SGCZ: variants seen among roughly 807,000 people sequenced by gnomAD.
The protein encoded by SGCZ is zeta-sarcoglycan.
In SGCZ, 40 loss-of-function variants were observed where a neutral mutation model predicts 41.3. That is an observed-to-expected ratio of 0.97 (90% CI 0.75 to 1.26). The LOEUF is 1.26. Ranked by LOEUF, SGCZ falls within the 50% of genes most tolerant of loss-of-function variation. SGCZ has a pLI of 0.00. For missense variants in SGCZ, 552 were observed against 369.8 expected (o/e 1.49, Z -4.04); for synonymous variants, 206 against 137.5 (o/e 1.50, Z -3.49).
intron 1 of SGCZ, among the ~76,000 whole-genome samples, chr8:14,713,361 C>G (rs1250236312): frequency 6.6e-6 from 1 of 152,088 alleles, no homozygotes; most frequent in African/African-American, 2.4e-5. Flanking sequence ...ATCACTATTA[C>G]TATAATTTGT....
chr8:14,534,281 C>A (rs1803227458), intron 2 of SGCZ, among the ~76,000 whole-genome samples: 1 of 151,904 alleles, frequency 6.6e-6, no homozygotes, highest in Admixed American at 6.6e-5. Context: ...AGAAGAAGGG[C>A]TCATTGGTGT....
intron 1 of SGCZ, among the ~76,000 whole-genome samples, chr8:14,826,231 G>C (rs932523477): frequency 1.3e-5 from 2 of 151,914 alleles, no homozygotes; most frequent in African/African-American, 2.4e-5. Flanking sequence ...ATGGTTTCCA[G>C]CTTCATCCAT....
chr8:14,981,911 AGGCTGAAGCAG>A (rs1473219146), intron 1 of SGCZ, among the ~76,000 whole-genome samples: 10 of 152,166 alleles, frequency 6.6e-5, no homozygotes, highest in Admixed American at 2.0e-4. Context: ...GCACTTTGGG[AGGCTGAAGCAG>A]GCAGATCATT....
chr8:14,302,350 T>C (rs938308190), intron 3 of SGCZ, among the ~76,000 whole-genome samples: 3 of 152,190 alleles, frequency 2.0e-5, no homozygotes, highest in African/African-American at 7.2e-5. Flanking sequence ...GGTTTACTTT[T>C]TCTATTTATT....
At chr8:15,208,349 T>A (rs573548985) in intron 1 of SGCZ, among the ~76,000 whole-genome samples, 1 of 152,220 alleles carries the variant, frequency 6.6e-6, no homozygotes, top group African/African-American at 2.4e-5. Flanking sequence ...AACATCTGAC[T>A]AACGCATCCA....
chr8:14,384,667 G>C (rs971139271), intron 2 of SGCZ, among the ~76,000 whole-genome samples: 1 of 152,036 alleles, frequency 6.6e-6, no homozygotes, highest in Admixed American at 6.6e-5. Flanking sequence ...TCAAGCAATT[G>C]TCCTGCCTCA....
At chr8:14,704,654 T>C (rs1180900670) in intron 1 of SGCZ, among the ~76,000 whole-genome samples, 1 of 151,966 alleles carries the variant, frequency 6.6e-6, no homozygotes, top group Non-Finnish European at 1.5e-5. Context: ...AAAGCAAGTC[T>C]GCTACAGAGA....
At chr8:14,736,664 G>GTCAT (rs1563235283) in intron 1 of SGCZ, among the ~76,000 whole-genome samples, 1 of 151,856 alleles carries the variant, frequency 6.6e-6, no homozygotes. Flanking sequence ...AGTCCATTGT[G>GTCAT]TCATTCTTAT....
At chr8:14,131,895 T>A (rs1201018439) in intron 5 of SGCZ, among the ~76,000 whole-genome samples, 2 of 152,200 alleles carry the variant, frequency 1.3e-5, no homozygotes, top group African/African-American at 4.8e-5. Flanking sequence ...CTAGGAGCAG[T>A]AGGTTATTTT....
At chr8:14,789,945 A>T (rs1233567682) in intron 1 of SGCZ, among the ~76,000 whole-genome samples, 2 of 152,178 alleles carry the variant, frequency 1.3e-5, no homozygotes, top group Non-Finnish European at 2.9e-5. Flanking sequence ...CTCCCATTAT[A>T]ACGTATGTTT....
At chr8:14,690,043 AT>A (rs1382294384) in intron 1 of SGCZ, among the ~76,000 whole-genome samples, 4 of 152,140 alleles carry the variant, frequency 2.6e-5, no homozygotes, top group Non-Finnish European at 5.9e-5. Context: ...AGATTTTAGA[AT>A]ACAAAAGCAG....
chr8:14,933,434 T>TC (rs200340201), intron 1 of SGCZ, among the ~76,000 whole-genome samples: 3,245 of 144,062 alleles, frequency 0.023, 51 homozygotes, highest in Middle Eastern at 0.032. Context: ...TTTTTTTCTT[T>TC]TTTTTTTTTT....
intron 1 of SGCZ, among the ~76,000 whole-genome samples, chr8:14,772,209 G>A (rs1800263763): frequency 1.3e-5 from 2 of 152,146 alleles, no homozygotes; most frequent in African/African-American, 4.8e-5. Context: ...GGTAGGCTAG[G>A]CCAAGCTAAA....
At chr8:14,284,774 A>C (rs1338768405) in intron 3 of SGCZ, among the ~76,000 whole-genome samples, 1 of 152,142 alleles carries the variant, frequency 6.6e-6, no homozygotes, top group East Asian at 1.9e-4. Context: ...TTTGGTCCTA[A>C]GTTACTGTTG....
At chr8:14,623,294 T>C (rs1317628780) in intron 1 of SGCZ, among the ~76,000 whole-genome samples, 2 of 152,110 alleles carry the variant, frequency 1.3e-5, no homozygotes, top group African/African-American at 4.8e-5. Flanking sequence ...ACACATTAGT[T>C]TGCACCAAAA....
At chr8:14,418,788 C>T (rs770051453) in intron 2 of SGCZ, among the ~76,000 whole-genome samples, 3 of 151,832 alleles carry the variant, frequency 2.0e-5, no homozygotes, top group Non-Finnish European at 2.9e-5. Context: ...CTGATGGTTT[C>T]GATAGCTGAA....
At chr8:15,167,698 A>G (rs1441956797) in intron 1 of SGCZ, among the ~76,000 whole-genome samples, 1 of 151,178 alleles carries the variant, frequency 6.6e-6, no homozygotes, top group Non-Finnish European at 1.5e-5. Context: ...AATACGGTCT[A>G]GAGAGAGGCA....
chr8:14,460,196 T>A (rs912167252), intron 2 of SGCZ, among the ~76,000 whole-genome samples: 1 of 152,192 alleles, frequency 6.6e-6, no homozygotes, highest in Admixed American at 6.5e-5. Context: ...TATAAAATTA[T>A]TTCAAAATAA....
intron 1 of SGCZ, among the ~76,000 whole-genome samples, chr8:15,142,325 A>G (rs2116999723): frequency 6.6e-6 from 1 of 152,308 alleles, no homozygotes; most frequent in South Asian, 2.1e-4. Context: ...TTTCAACATA[A>G]TGCTTGAGTA....
Sources: allele counts gnomAD v4.1 joint callset (sites outside exome capture counted in the v4.1 genomes callset), GRCh38; gene constraint gnomAD v4.1.1; transcripts MANE v1.5; gene names NCBI Gene and HGNC (gene_info 2026-07-23, HGNC 2026-07-21).